HEMK2: variants seen among roughly 807,000 people sequenced by gnomAD.
The protein encoded by HEMK2 is HemK methyltransferase 2, ETF1 glutamine and histone H4 lysine.
At chr21:28,838,395 A>G in the HEMK2 span, among the ~76,000 whole-genome samples, 1 of 129,912 alleles carries the variant, frequency 7.7e-6, no homozygotes, top group Non-Finnish European at 1.7e-5. Context: ...TTAGCCGGGC[A>G]TGGTGGCAGG....
At chr21:28,577,348 A>G in the HEMK2 span, 1 of 152,136 alleles carries the variant, frequency 6.6e-6, no homozygotes, top group Non-Finnish European at 1.5e-5. Flanking sequence ...TGTTCATGTC[A>G]TTCTTTTCCT....
At chr21:28,874,626 C>CA in the HEMK2 span, 2 of 152,248 alleles carry the variant, frequency 1.3e-5, no homozygotes, top group Non-Finnish European at 2.9e-5. Context: ...AAGAGGCCTA[C>CA]TAGTATCCAC....
the HEMK2 span, among the ~76,000 whole-genome samples, chr21:28,809,708 T>C: frequency 6.6e-6 from 1 of 152,270 alleles, no homozygotes; most frequent in Admixed American, 6.5e-5. Flanking sequence ...GTGGATGAAA[T>C]GTTCCAAGAT....
the HEMK2 span, among the ~76,000 whole-genome samples, chr21:28,606,238 A>G: frequency 9.2e-5 from 14 of 152,210 alleles, no homozygotes; most frequent in African/African-American, 3.4e-4. Flanking sequence ...AATGGGAAAC[A>G]AAACAAAACA....
chr21:28,824,585 C>T, the HEMK2 span, among the ~76,000 whole-genome samples: 3 of 152,156 alleles, frequency 2.0e-5, no homozygotes, highest in Admixed American at 2.0e-4. Context: ...AGTACTCCGC[C>T]TGAGATCACA....
the HEMK2 span, among the ~76,000 whole-genome samples, chr21:28,637,850 T>C: frequency 2.6e-5 from 4 of 152,232 alleles, no homozygotes; most frequent in Non-Finnish European, 4.4e-5. Flanking sequence ...AAATTCTCTG[T>C]GTTCTTGCTT....
At chr21:28,579,700 A>C in the HEMK2 span, among the ~76,000 whole-genome samples, 1 of 152,214 alleles carries the variant, frequency 6.6e-6, no homozygotes, top group African/African-American at 2.4e-5. Context: ...ATTTTTACCT[A>C]TTCAAAATTG....
At chr21:28,732,730 G>A in the HEMK2 span, among the ~76,000 whole-genome samples, 73 of 152,290 alleles carry the variant, frequency 4.8e-4, no homozygotes, top group Non-Finnish European at 9.1e-4. Flanking sequence ...TATCCAGTAT[G>A]TGCACCCAAA....
chr21:28,677,055 A>G, the HEMK2 span, among the ~76,000 whole-genome samples: 1 of 152,152 alleles, frequency 6.6e-6, no homozygotes, highest in South Asian at 2.1e-4. Flanking sequence ...TGGGTGCAGG[A>G]CAGTGGGTGC....
At chr21:28,853,186 G>C in the HEMK2 span, among the ~76,000 whole-genome samples, 1 of 152,144 alleles carries the variant, frequency 6.6e-6, no homozygotes, top group Admixed American at 6.6e-5. Context: ...ATCCACTCCA[G>C]CATCCCAATC....
At chr21:28,824,666 T>G in the HEMK2 span, among the ~76,000 whole-genome samples, 1 of 152,120 alleles carries the variant, frequency 6.6e-6, no homozygotes, top group African/African-American at 2.4e-5. Flanking sequence ...GAGAGAGAGA[T>G]AGAGAGTCTT....
the HEMK2 span, among the ~76,000 whole-genome samples, chr21:28,832,859 A>G: frequency 6.6e-6 from 1 of 152,256 alleles, no homozygotes; most frequent in Non-Finnish European, 1.5e-5. Context: ...TCAAATTCAG[A>G]TTCAGCTAAT....
the HEMK2 span, among the ~76,000 whole-genome samples, chr21:28,877,755 G>A: frequency 6.6e-6 from 1 of 151,940 alleles, no homozygotes; most frequent in Non-Finnish European, 1.5e-5. Flanking sequence ...GAAAGATTAT[G>A]GTCAATTTAG....
At chr21:28,832,650 A>T in the HEMK2 span, among the ~76,000 whole-genome samples, 2 of 152,246 alleles carry the variant, frequency 1.3e-5, no homozygotes, top group Admixed American at 6.5e-5. Flanking sequence ...CCTAAGAACC[A>T]TTAACTCTCC....
chr21:28,690,066 C>G, the HEMK2 span, among the ~76,000 whole-genome samples: 2 of 152,150 alleles, frequency 1.3e-5, no homozygotes, highest in Admixed American at 1.3e-4. Context: ...ACATCTTACA[C>G]AGCGGCAGGC....
the HEMK2 span, among the ~76,000 whole-genome samples, chr21:28,840,578 C>A: frequency 6.6e-6 from 1 of 152,164 alleles, no homozygotes; most frequent in African/African-American, 2.4e-5. Flanking sequence ...AGAAGATACA[C>A]AAATGGCCAA....
chr21:28,723,327 T>A, the HEMK2 span, among the ~76,000 whole-genome samples: 2 of 152,194 alleles, frequency 1.3e-5, no homozygotes, highest in Admixed American at 1.3e-4. Flanking sequence ...AGATTTCATT[T>A]TAAAACACTG....
At chr21:28,614,047 C>T in the HEMK2 span, among the ~76,000 whole-genome samples, 1 of 152,200 alleles carries the variant, frequency 6.6e-6, no homozygotes, top group Non-Finnish European at 1.5e-5. Flanking sequence ...TTATGAGGCC[C>T]TATTGCAGCA....
the HEMK2 span, among the ~76,000 whole-genome samples, chr21:28,821,128 T>G: frequency 1.3e-3 from 204 of 152,376 alleles, 1 homozygote; most frequent in African/African-American, 4.8e-3. Context: ...GGACTTACTC[T>G]GTTGTTCAGT....
Sources: gnomAD v4.1 joint callset for allele counts (sites outside exome capture counted in the v4.1 genomes callset) on GRCh38, gnomAD v4.1.1 for gene constraint, MANE v1.5 for transcripts, NCBI Gene and HGNC (gene_info 2026-07-23, HGNC 2026-07-21) for gene names.